Variants in GPHN observed in about 807,000 individuals in gnomAD.
The protein encoded by GPHN is gephyrin.
In GPHN, 17 loss-of-function variants were observed where a neutral mutation model predicts 95.5. The observed-to-expected ratio is 0.18, with a 90% confidence interval of 0.12 to 0.27. The LOEUF (loss-of-function observed/expected upper bound fraction) is 0.27, where lower values mean the gene tolerates loss of function less well. Among genes scored for constraint, GPHN ranks in the 10% least tolerant of loss-of-function variants. The pLI, the probability that GPHN is intolerant of heterozygous loss-of-function variation, is 1.00. For missense variants in GPHN, 660 were observed against 978.1 expected (o/e 0.67, Z 4.34); for synonymous variants, 320 against 322.5 (o/e 0.99, Z 0.08).
At chr14:67,468,919 TAA>T in the GPHN span, among the ~76,000 whole-genome samples, 5,489 of 145,106 alleles carry the variant, frequency 0.038, 101 homozygotes, top group Middle Eastern at 0.054. Context: ...TAATTTTTTT[TAA>T]AAAAAAAAGG....
rs1226584561 is a variant in GPHN, at chr14:66,744,197, T to TTAC, written c.144-32265_144-32263dup. Reference sequence around the variant, plus strand: ...AAAGTAAGTTACTGCCTATTCTGAGTTACTCTATTACACAAAATTTAATTT... The same window carrying TTAC: ...AAAGTAAGTTACTGCCTATTCTGAGTTACTACTCTATTACACAAAATTTAATTT... On this transcript the variant is annotated intron_variant, in intron 2 of 22. Transcript: ENST00000478722. Among the ~76,000 whole-genome samples, 30 of 152,328 alleles carry TTAC rather than the reference T, an allele frequency of 2.0e-4. 1 individual carries two copies. The highest frequency in any genetic ancestry group is 3.4e-3 in the Middle Eastern group (1 of 292).
chr14:67,429,890 A>G, the GPHN span, among the ~76,000 whole-genome samples: 1 of 152,186 alleles, frequency 6.6e-6, no homozygotes, highest in Non-Finnish European at 1.5e-5. Flanking sequence ...TAACAGCTTT[A>G]AGAGCTCTGT....
chr14:66,642,531 A>C (rs1450039681), intron 1 of GPHN, among the ~76,000 whole-genome samples: 1 of 151,196 alleles, frequency 6.6e-6, no homozygotes, highest in Non-Finnish European at 1.5e-5. Context: ...TAAGAGTACG[A>C]GCTCAGCAGG....
chr14:66,948,336 TA>T (rs2067881633), intron 8 of GPHN, among the ~76,000 whole-genome samples: 1 of 152,182 alleles, frequency 6.6e-6, no homozygotes. Flanking sequence ...TTTAAGTTTA[TA>T]AAAAAGATCT....
In GPHN at chr14:67,122,285, A is replaced by G; in HGVS notation, c.1656A>G (p.Pro552=). ...ELLNPEDDLL[P]GKIRDSNRST... ...TAAATCCTGAAGATGACCTCTTACC[A>G]GGGAAGATTCGAGACAGCAATCGTT... Residue 552 remains proline, a synonymous_variant, in exon 17 of 23, where the codon CCA becomes CCG. Coordinates refer to ENST00000478722, the MANE Select transcript of GPHN (RefSeq NM_020806.5). 1 of 1,613,560 alleles carries G rather than the reference A, an allele frequency of 6.2e-7. No homozygotes were observed. The highest frequency in any genetic ancestry group is 8.5e-7 in the Non-Finnish European group (1 of 1,179,524).
intron 5 of GPHN, among the ~76,000 whole-genome samples, chr14:66,892,863 T>C (rs544653828): frequency 9.9e-4 from 151 of 152,338 alleles, no homozygotes; most frequent in Middle Eastern, 3.4e-3. Flanking sequence ...CTGAATTGTA[T>C]ACTTAAAATT....
At chr14:67,343,292 A>G in the GPHN span, 3 of 1,085,816 alleles carry the variant, frequency 2.8e-6, no homozygotes, top group Non-Finnish European at 4.2e-6. Context: ...TCTTCAGTAC[A>G]GTCCCTGAAT....
the GPHN span, among the ~76,000 whole-genome samples, chr14:67,250,792 G>A: frequency 6.6e-6 from 1 of 152,108 alleles, no homozygotes; most frequent in African/African-American, 2.4e-5. Flanking sequence ...CATCCTAAAG[G>A]AATCTTATCC....
At chr14:66,516,285 T>G (rs545622192) in intron 1 of GPHN, among the ~76,000 whole-genome samples, 1 of 152,144 alleles carries the variant, frequency 6.6e-6, no homozygotes, top group East Asian at 1.9e-4. Flanking sequence ...CCCAAAGTGC[T>G]GGGATTACAG....
At chr14:67,722,828 G>A in the GPHN span, 1 of 880,686 alleles carries the variant, frequency 1.1e-6, no homozygotes, top group African/African-American at 1.6e-5. Context: ...AGTCAGGGCA[G>A]GAAAAGCAGG....
At chr14:67,321,106 CTT>C in the GPHN span, 1 of 1,614,152 alleles carries the variant, frequency 6.2e-7, no homozygotes, top group Non-Finnish European at 8.5e-7. Context: ...GAGATTACCA[CTT>C]TGTTTCGCGG....
chr14:67,590,249 ATTTTTTTTTTT>A, the GPHN span: 1 of 733,186 alleles, frequency 1.4e-6, no homozygotes. Context: ...CCACTTGCAA[ATTTTTTTTTTT>A]TTTTTTTTTT....
the GPHN span, chr14:67,729,832 A>G: frequency 1.1e-5 from 5 of 469,252 alleles, no homozygotes; most frequent in East Asian, 6.2e-5. Context: ...GTTGAAATAT[A>G]GAAGTAGAAA....
At chr14:67,165,078 A>G (rs116475727) in intron 19 of GPHN, 84 bp from the exon 20 acceptor site, 12 of 914,478 alleles carry the variant, frequency 1.3e-5, no homozygotes, top group Non-Finnish European at 2.0e-5. Context: ...TGATAAGTGT[A>G]TGGATTACAA....
intron 9 of GPHN, among the ~76,000 whole-genome samples, chr14:66,967,823 T>C (rs561392010): frequency 5.3e-5 from 8 of 151,770 alleles, no homozygotes; most frequent in African/African-American, 1.9e-4. Flanking sequence ...TTAGATAGGG[T>C]GAGTAGAGAA....
intron 3 of GPHN, among the ~76,000 whole-genome samples, chr14:66,823,884 G>T (rs1207412368): frequency 6.6e-6 from 1 of 152,156 alleles, no homozygotes; most frequent in Non-Finnish European, 1.5e-5. Context: ...GCAAGTATAT[G>T]ATTATAATTT....
chr14:66,543,680 T>C (rs1455703234), intron 1 of GPHN, among the ~76,000 whole-genome samples: 2 of 152,228 alleles, frequency 1.3e-5, no homozygotes, highest in Admixed American at 6.5e-5. Flanking sequence ...ACTCTTTTTC[T>C]AGTTGGGGCT....
chr14:67,547,592 G>A, the GPHN span, among the ~76,000 whole-genome samples: 3 of 152,076 alleles, frequency 2.0e-5, no homozygotes, highest in African/African-American at 7.2e-5. Context: ...GCTGGCCCTG[G>A]GACATTACAT....
chr14:67,269,472 C>G, the GPHN span, among the ~76,000 whole-genome samples: 10 of 152,050 alleles, frequency 6.6e-5, no homozygotes, highest in Non-Finnish European at 7.4e-5. Flanking sequence ...TGGAAAGTTT[C>G]CATTTGACAT....
Sources: gnomAD v4.1 joint callset for allele counts (sites outside exome capture counted in the v4.1 genomes callset) on GRCh38, gnomAD v4.1.1 for gene constraint, MANE v1.5 for transcripts, NCBI Gene and HGNC (gene_info 2026-07-23, HGNC 2026-07-21) for gene names.